The following TMEM132D variants were observed in gnomAD, a reference collection of about 807,000 sequenced individuals.
The protein encoded by TMEM132D is mature OL transmembrane protein.
A neutral mutation model predicts 62.3 loss-of-function variants in TMEM132D; 21 were observed. The observed-to-expected ratio is 0.34, with a 90% CI of 0.24 to 0.49. TMEM132D has a LOEUF of 0.49. Ranked by LOEUF, TMEM132D falls within the 20% of genes least tolerant of loss-of-function variation. The pLI, the probability that TMEM132D is intolerant of heterozygous loss-of-function variation, is 0.99. For synonymous variants in TMEM132D, 621 were observed against 575.6 expected, an observed-to-expected ratio of 1.08 and a Z score of -1.13; for missense variants, 1,346 against 1,402.8, an observed-to-expected ratio of 0.96 and a Z score of 0.65.
chr12:129,451,108 A>G (rs1873274122), intron 3 of TMEM132D, among the ~76,000 whole-genome samples: 1 of 152,044 alleles, frequency 6.6e-6, no homozygotes, highest in Non-Finnish European at 1.5e-5. Flanking sequence ...TGGAAGTGTG[A>G]CGTCTCTTCC....
intron 3 of TMEM132D, among the ~76,000 whole-genome samples, chr12:129,363,361 T>G (rs1465752222): frequency 6.6e-6 from 1 of 152,232 alleles, no homozygotes; most frequent in African/African-American, 2.4e-5. Flanking sequence ...GCAAAGACCA[T>G]TTTCCTTATG....
intron 2 of TMEM132D, among the ~76,000 whole-genome samples, chr12:129,547,350 T>A (rs951940079): frequency 3.3e-5 from 5 of 152,172 alleles, no homozygotes; most frequent in Non-Finnish European, 7.4e-5. Flanking sequence ...GTGATCCTCC[T>A]GCCTCGGCCT....
chr12:129,424,884 T>C (rs1872447939), intron 3 of TMEM132D, among the ~76,000 whole-genome samples: 1 of 152,110 alleles, frequency 6.6e-6, no homozygotes, highest in Non-Finnish European at 1.5e-5. Context: ...TCATCCTAAG[T>C]GAATTTTAGG....
At chr12:129,799,610 G>A (rs1173085300) in intron 1 of TMEM132D, among the ~76,000 whole-genome samples, 1 of 151,994 alleles carries the variant, frequency 6.6e-6, no homozygotes, top group African/African-American at 2.4e-5. Flanking sequence ...CAGCTGCCCT[G>A]GGTCACCCAG....
At chr12:129,235,877 T>C (rs1879765496) in intron 4 of TMEM132D, among the ~76,000 whole-genome samples, 1 of 152,150 alleles carries the variant, frequency 6.6e-6, no homozygotes, top group Admixed American at 6.5e-5. Context: ...AAAACATTTC[T>C]ATGAGAAATG....
At position 129,380,266 on chromosome 12, in the gene TMEM132D, A is replaced by G. The variant is rs548147072; in HGVS notation, c.1116-42449T>C. Among the ~76,000 whole-genome samples the G allele has an allele frequency of 2.6e-5, 4 of 152,336 alleles. No homozygotes were observed. The South Asian group carries it at 8.3e-4, about 32-fold the overall frequency. On this transcript the variant is annotated intron_variant, in intron 3 of 8. Coordinates refer to ENST00000422113, the MANE Select transcript of TMEM132D (RefSeq NM_133448.3). The stretch of plus-strand genomic sequence containing the variant: ...TAGCCTCAGAATTCACTTAGCAGGC[A>G]AACGTCTAGAAAAAAAACTTCCATT...
At chr12:129,522,859 G>C (rs559854104) in intron 3 of TMEM132D, 1 of 151,862 alleles carries the variant, frequency 6.6e-6, no homozygotes, top group South Asian at 2.1e-4. Flanking sequence ...TGGATCTGTA[G>C]ATATAGACAA....
At position 129,458,649 on chromosome 12, in the gene TMEM132D, G is replaced by T. The variant is rs148273296; in HGVS notation, c.1115+72410C>A. ...GGGGATTTGAACTCACAACCTGACA[G>T]CTAGGAATTAAATAGTCCAGGAAAT... is the stretch of plus-strand genomic sequence containing the variant. On this transcript the variant is annotated intron_variant, in intron 3 of 8. Coordinates refer to ENST00000422113, the MANE Select transcript of TMEM132D (RefSeq NM_133448.3). 2.6e-4 allele frequency among the ~76,000 whole-genome samples: 39 copies of T among 152,270 alleles called. 1 individual carries two copies. Among genetic ancestry groups the T allele is most frequent in the African/African-American group, 9.1e-4 (38 of 41,558 alleles).
intron 1 of TMEM132D, among the ~76,000 whole-genome samples, chr12:129,808,174 G>A (rs1473139561): frequency 1.3e-5 from 2 of 152,164 alleles, no homozygotes. Context: ...ATATCATGGA[G>A]CACAGCTTAA....
At position 129,337,575 on chromosome 12, in the gene TMEM132D, G is replaced by A. The variant is rs566462169; in HGVS notation, c.1299+59C>T. On this transcript the variant is annotated intron_variant, in intron 4 of 8. Transcript: ENST00000422113. The stretch of plus-strand genomic sequence containing the variant: ...CACCCAGCCTGGGACTCAGTGCGGC[G>A]CCGGCGCCTTCCCCTCCCCCGAGTT... 3.0e-5 allele frequency: 48 copies of A among 1,600,640 alleles called. No individual in the cohort carries two copies. The Middle Eastern group carries it at 6.7e-4, about 22-fold the overall frequency.
chr12:129,293,473 G>T (rs1170455241), intron 4 of TMEM132D, among the ~76,000 whole-genome samples: 1 of 152,140 alleles, frequency 6.6e-6, no homozygotes, highest in African/African-American at 2.4e-5. Context: ...TGGCGGGATG[G>T]TTTTGGGATG....
intron 1 of TMEM132D, among the ~76,000 whole-genome samples, chr12:129,738,658 T>A (rs1869504501): frequency 6.6e-6 from 1 of 152,184 alleles, no homozygotes; most frequent in African/African-American, 2.4e-5. Context: ...CTGTCCTGAA[T>A]GATTCAGTCA....
At chr12:129,304,186 C>A (rs1361907223) in intron 4 of TMEM132D, among the ~76,000 whole-genome samples, 9 of 152,202 alleles carry the variant, frequency 5.9e-5, no homozygotes, top group Non-Finnish European at 1.2e-4. Context: ...TCATTGACAC[C>A]ACACAGTGGC....
At chr12:129,253,516 A>G (rs1880323371) in intron 4 of TMEM132D, among the ~76,000 whole-genome samples, 1 of 152,256 alleles carries the variant, frequency 6.6e-6, no homozygotes, top group Non-Finnish European at 1.5e-5. Flanking sequence ...GTTGAGTTAC[A>G]GAAAAACAAA....
At chr12:129,210,843 T>C (rs55899719) in intron 4 of TMEM132D, 18,721 of 152,162 alleles carry the variant, frequency 0.12, 1,279 homozygotes, top group East Asian at 0.24. Flanking sequence ...ATGAATCTCC[T>C]TTTTTCAGGC....
At chr12:129,226,601 TTGC>T (rs369028434) in intron 4 of TMEM132D, among the ~76,000 whole-genome samples, 5 of 152,216 alleles carry the variant, frequency 3.3e-5, no homozygotes, top group African/African-American at 1.2e-4. Context: ...CTCCAGGTAA[TTGC>T]TGCCTTATAG....
chr12:129,428,872 G>A lies in TMEM132D; in HGVS notation c.1116-91055C>T, dbSNP rs79143232. ...TTGCTTGGAAGGCTCCCAGAATTTG[G>A]CCTGGGCATAGCTGCAGAAATCTTT... On this transcript the variant is annotated intron_variant, in intron 3 of 8. Transcript: ENST00000422113. Among the ~76,000 whole-genome samples, 286 of 152,310 alleles carry A rather than the reference G, an allele frequency of 1.9e-3. 2 individuals carry two copies. Among genetic ancestry groups the A allele is most frequent in the African/African-American group, 6.6e-3 (273 of 41,564 alleles).
chr12:129,829,054 A>C (rs1593178468), intron 1 of TMEM132D, among the ~76,000 whole-genome samples: 1 of 151,906 alleles, frequency 6.6e-6, no homozygotes. Flanking sequence ...GGCAGCTACC[A>C]ACTTCTAGAC....
intron 4 of TMEM132D, among the ~76,000 whole-genome samples, chr12:129,271,804 C>G (rs1174890033): frequency 6.6e-6 from 1 of 151,874 alleles, no homozygotes; most frequent in Admixed American, 6.6e-5. Flanking sequence ...TTTATCAAGT[C>G]TATCATTGAT....
Sources: gnomAD v4.1 joint callset for allele counts (sites outside exome capture counted in the v4.1 genomes callset) on GRCh38, gnomAD v4.1.1 for gene constraint, MANE v1.5 for transcripts, NCBI Gene and HGNC (gene_info 2026-07-23, HGNC 2026-07-21) for gene names.